The following SPIRE1 variants were observed in gnomAD, a reference collection of about 807,000 sequenced individuals.
SPIRE1 encodes protein spire homolog 1.
In SPIRE1, 40 loss-of-function variants were observed where a neutral mutation model predicts 94.1. That is an observed-to-expected ratio of 0.43 (90% confidence interval 0.33 to 0.55). SPIRE1 has a LOEUF of 0.55. Ranked by LOEUF, SPIRE1 falls within the 20% of genes least tolerant of loss-of-function variation. The pLI, the probability that SPIRE1 is intolerant of heterozygous loss-of-function variation, is 0.06. For missense variants in SPIRE1, 838 were observed against 975.2 expected (o/e 0.86, Z 1.87); for synonymous variants, 376 against 371.7 (o/e 1.01, Z -0.13).
chr18:12,512,642 T>A, intron 4 of SPIRE1, 111 bp from the exon 5 acceptor site: 6 of 665,592 alleles, frequency 9.0e-6, no homozygotes, highest in African/African-American at 1.8e-5. Flanking sequence ...GTGAAGGAGA[T>A]GGTACAGAAT....
At chr18:12,483,097 C>G (rs1422927412) in intron 9 of SPIRE1, among the ~76,000 whole-genome samples, 1 of 151,960 alleles carries the variant, frequency 6.6e-6, no homozygotes, top group Admixed American at 6.6e-5. Context: ...TGCACCACCA[C>G]GCCTAGCTAA....
chr18:12,529,069 G>A (rs563178049), intron 4 of SPIRE1, among the ~76,000 whole-genome samples: 4 of 152,084 alleles, frequency 2.6e-5, no homozygotes, highest in Non-Finnish European at 5.9e-5. Context: ...AGGGCAACGC[G>A]ATTAAAATGA....
At chr18:12,579,231 AC>A (rs1289225513) in intron 2 of SPIRE1, among the ~76,000 whole-genome samples, 4 of 148,464 alleles carry the variant, frequency 2.7e-5, no homozygotes, top group South Asian at 2.2e-4. Context: ...ACACACACAC[AC>A]AAAATACTGA....
intron 2 of SPIRE1, among the ~76,000 whole-genome samples, chr18:12,563,339 G>A (rs936032275): frequency 3.1e-5 from 4 of 128,340 alleles, no homozygotes; most frequent in East Asian, 2.0e-4. Flanking sequence ...TTTAAGAGAT[G>A]GGGGTCTCCA....
chr18:12,555,335 T>C (rs966683965), intron 2 of SPIRE1, among the ~76,000 whole-genome samples: 2 of 151,990 alleles, frequency 1.3e-5, no homozygotes, highest in Non-Finnish European at 2.9e-5. Context: ...TTTTGGATAC[T>C]GAATACCTAA....
intron 2 of SPIRE1, among the ~76,000 whole-genome samples, chr18:12,596,773 C>A (rs1482198041): frequency 6.6e-6 from 1 of 152,100 alleles, no homozygotes; most frequent in Non-Finnish European, 1.5e-5. Flanking sequence ...TATCAACTGA[C>A]AAAATACAGT....
chr18:12,625,112 T>G (rs2037583884), intron 2 of SPIRE1, among the ~76,000 whole-genome samples: 1 of 152,068 alleles, frequency 6.6e-6, no homozygotes, highest in African/African-American at 2.4e-5. Context: ...TGTCATAATG[T>G]CCTAGTCTAT....
intron 2 of SPIRE1, among the ~76,000 whole-genome samples, chr18:12,587,624 G>C (rs1174878759): frequency 2.6e-5 from 4 of 152,050 alleles, no homozygotes; most frequent in Admixed American, 2.6e-4. Context: ...ACCATAGAGG[G>C]AGGATCTGGT....
chr18:12,648,890 C>CAAA (rs56696562), intron 1 of SPIRE1, among the ~76,000 whole-genome samples: 57 of 85,442 alleles, frequency 6.7e-4, no homozygotes, highest in East Asian at 1.7e-3. Context: ...AACTCCGTCT[C>CAAA]AAAAAAAAAA....
intron 1 of SPIRE1, among the ~76,000 whole-genome samples, chr18:12,644,664 C>G (rs1420789414): frequency 6.6e-6 from 1 of 152,192 alleles, no homozygotes; most frequent in Non-Finnish European, 1.5e-5. Flanking sequence ...CAACAAAGGT[C>G]TAATCACATG....
At chr18:12,602,312 CA>C (rs1463409673) in intron 2 of SPIRE1, among the ~76,000 whole-genome samples, 1 of 152,138 alleles carries the variant, frequency 6.6e-6, no homozygotes, top group Non-Finnish European at 1.5e-5. Flanking sequence ...AATGCATACT[CA>C]AAAGGTTTCA....
intron 1 of SPIRE1, among the ~76,000 whole-genome samples, chr18:12,652,799 A>T (rs74630716): frequency 1.3e-5 from 2 of 152,342 alleles, no homozygotes; most frequent in East Asian, 3.9e-4. Flanking sequence ...CCATTCTCAG[A>T]TGTATCAATA....
intron 9 of SPIRE1, 25 bp from the exon 10 acceptor site, chr18:12,479,896 T>C: frequency 6.2e-7 from 1 of 1,603,206 alleles, no homozygotes; most frequent in African/African-American, 1.3e-5. Context: ...AAAGCTTACC[T>C]TTTCTTGAGC....
At chr18:12,515,083 C>T (rs551693820) in intron 4 of SPIRE1, among the ~76,000 whole-genome samples, 38 of 152,286 alleles carry the variant, frequency 2.5e-4, no homozygotes, top group Non-Finnish European at 5.1e-4. Context: ...CTGCCATATT[C>T]TCCCTTGTCA....
chr18:12,485,322 G>T (rs990785232), intron 9 of SPIRE1, among the ~76,000 whole-genome samples: 1 of 151,978 alleles, frequency 6.6e-6, no homozygotes, highest in Non-Finnish European at 1.5e-5. Context: ...AGCCAGGATG[G>T]TCTCCATCTC....
chr18:12,518,375 C>G (rs549559312), intron 4 of SPIRE1, among the ~76,000 whole-genome samples: 1 of 151,994 alleles, frequency 6.6e-6, no homozygotes, highest in Non-Finnish European at 1.5e-5. Flanking sequence ...CAACTTTAAT[C>G]CCAGCACTTT....
At chr18:12,489,063 C>T (rs1182548659) in intron 8 of SPIRE1, among the ~76,000 whole-genome samples, 1 of 152,138 alleles carries the variant, frequency 6.6e-6, no homozygotes, top group Non-Finnish European at 1.5e-5. Context: ...TGGCGGGCTC[C>T]TGTAGTCCCA....
At chr18:12,659,697 G>A (rs920809510), upstream of SPIRE1, among the ~76,000 whole-genome samples, 10 of 151,828 alleles carry the variant, frequency 6.6e-5, no homozygotes, top group Non-Finnish European at 1.2e-4. Flanking sequence ...ATTGAAAGAG[G>A]AGAAGAAAGC....
intron 2 of SPIRE1, among the ~76,000 whole-genome samples, chr18:12,617,542 C>T (rs1249257512): frequency 6.6e-6 from 1 of 152,112 alleles, no homozygotes; most frequent in African/African-American, 2.4e-5. Context: ...TCCCGAGTAG[C>T]TGGGATTATA....
Sources: gnomAD v4.1 joint callset for allele counts (sites outside exome capture counted in the v4.1 genomes callset) on GRCh38, gnomAD v4.1.1 for gene constraint, MANE v1.5 for transcripts, NCBI Gene and HGNC (gene_info 2026-07-23, HGNC 2026-07-21) for gene names.